The following DPY19L4 variants were observed in gnomAD, a reference collection of about 807,000 sequenced individuals.
The protein encoded by DPY19L4 is probable C-mannosyltransferase DPY19L4.
A neutral mutation model predicts 102.8 loss-of-function variants in DPY19L4; 97 were observed. The ratio of observed to expected loss-of-function variants is 0.94; its 90% confidence interval spans 0.80 to 1.12. The LOEUF (loss-of-function observed/expected upper bound fraction) is 1.12. Among genes scored for constraint, DPY19L4 ranks in the 50% most tolerant of loss-of-function variants. The pLI is 0.00. For synonymous variants in DPY19L4, 252 were observed against 283.1 expected, an observed-to-expected ratio of 0.89 and a Z score of 1.10; for missense variants, 815 against 850.4, an observed-to-expected ratio of 0.96 and a Z score of 0.52.
rs565526337 is a variant in DPY19L4 at position 94,763,762 on chromosome 8, G to A, written c.871-1421G>A. On this transcript the variant is annotated intron_variant, in intron 8 of 18. Coordinates refer to ENST00000414645, the MANE Select transcript of DPY19L4 (RefSeq NM_181787.3). ...GTTGGTCTTGAACTCCTGGCCTCAA[G>A]TGATCCGCTCTCTTTGGCCTCCCAC... is the stretch of plus-strand genomic sequence containing the variant. Among the ~76,000 whole-genome samples the A allele has an allele frequency of 2.6e-5, 4 of 152,070 alleles. No individual in the cohort carries two copies. In the East Asian group the frequency reaches 7.7e-4, roughly 29 times the overall value.
chr8:94,768,051 A>C (rs1239850474), intron 11 of DPY19L4, among the ~76,000 whole-genome samples: 2 of 152,178 alleles, frequency 1.3e-5, no homozygotes, highest in African/African-American at 4.8e-5. Context: ...CATATTCAAC[A>C]ATGCATTTGT....
chr8:94,788,310 C>T (rs73697036), intron 18 of DPY19L4, among the ~76,000 whole-genome samples: 5,520 of 151,812 alleles, frequency 0.036, 325 homozygotes, highest in African/African-American at 0.12. Flanking sequence ...TTATTCATTG[C>T]CTGTACTTAT....
At chr8:94,765,580 CT>C (rs1312255923) in intron 9 of DPY19L4, 130 bp from the exon 10 acceptor site, 7 of 766,072 alleles carry the variant, frequency 9.1e-6, no homozygotes, top group African/African-American at 5.3e-5. Context: ...AAGTGATCCC[CT>C]ATCTTTGGTC....
At chr8:94,776,365 C>T (rs1020127745) in intron 13 of DPY19L4, among the ~76,000 whole-genome samples, 3 of 151,634 alleles carry the variant, frequency 2.0e-5, no homozygotes, top group Non-Finnish European at 4.4e-5. Flanking sequence ...GACGAGGTTT[C>T]ACCATGTTGG....
intron 1 of DPY19L4, among the ~76,000 whole-genome samples, chr8:94,725,817 T>G (rs1810663433): frequency 6.6e-6 from 1 of 152,016 alleles, no homozygotes; most frequent in Non-Finnish European, 1.5e-5. Context: ...TTGGTATTTT[T>G]TTTTTAGTAG....
chr8:94,768,501 G>A lies in DPY19L4; in HGVS notation c.1282G>A (p.Val428Met). The A allele has an allele frequency of 6.3e-7, 1 of 1,582,128 alleles. No individual in the cohort carries two copies. Among genetic ancestry groups the A allele is most frequent in the South Asian group, 1.1e-5 (1 of 87,190 alleles). Residue 428 changes from valine (V) to methionine (M), a missense_variant, in exon 12 of 19, where the codon GTG becomes ATG. Coordinates refer to ENST00000414645, the MANE Select transcript of DPY19L4 (RefSeq NM_181787.3). The stretch of plus-strand genomic sequence containing the variant: ...TTCTTTATTACCTTTCTACATTCTA[G>A]TGTTAATTATTTGTTTTCTTTCTAT... ...QSSLLPFYIL[V>M]LIICFLSMLQ... is the part of the protein sequence containing the mutation.
intron 1 of DPY19L4, among the ~76,000 whole-genome samples, chr8:94,726,027 C>G (rs925840923): frequency 6.6e-6 from 1 of 152,122 alleles, no homozygotes; most frequent in Non-Finnish European, 1.5e-5. Context: ...ACACCTTGAC[C>G]CCCAGTTTGG....
chr8:94,761,187 C>G (rs952552463), intron 7 of DPY19L4, among the ~76,000 whole-genome samples: 1 of 152,072 alleles, frequency 6.6e-6, no homozygotes, highest in Non-Finnish European at 1.5e-5. Flanking sequence ...GGTAATAGAG[C>G]CTGAAAGTTT....
chr8:94,778,892 G>C (rs1386165926), intron 14 of DPY19L4, among the ~76,000 whole-genome samples: 1 of 152,192 alleles, frequency 6.6e-6, no homozygotes, highest in Non-Finnish European at 1.5e-5. Context: ...GGGTGGTCAA[G>C]AAATGAGACT....
At chr8:94,751,857 G>A (rs898631831) in intron 6 of DPY19L4, among the ~76,000 whole-genome samples, 6 of 152,190 alleles carry the variant, frequency 3.9e-5, no homozygotes, top group Non-Finnish European at 7.3e-5. Context: ...GAGTCATACA[G>A]CATATACTTT....
At chr8:94,741,083 G>C (rs1811426509) in intron 6 of DPY19L4, among the ~76,000 whole-genome samples, 1 of 152,128 alleles carries the variant, frequency 6.6e-6, no homozygotes, top group Non-Finnish European at 1.5e-5. Flanking sequence ...GTAAAGGCTT[G>C]ATGGGTTCAA....
chr8:94,737,770 A>C (rs1365895683), intron 3 of DPY19L4, among the ~76,000 whole-genome samples: 1 of 141,000 alleles, frequency 7.1e-6, no homozygotes, highest in East Asian at 2.0e-4. Flanking sequence ...GCAACAGAGC[A>C]AGACTCTGTT....
At chr8:94,786,420 C>T (rs978671127) in intron 17 of DPY19L4, among the ~76,000 whole-genome samples, 8 of 117,346 alleles carry the variant, frequency 6.8e-5, no homozygotes, top group South Asian at 3.3e-4. Context: ...CTACCATGCC[C>T]GGCCATTTAT....
chr8:94,781,293 G>A (rs966667143), intron 16 of DPY19L4, 127 bp downstream of exon 16: 1 of 756,334 alleles, frequency 1.3e-6, no homozygotes, highest in Non-Finnish European at 1.9e-6. Flanking sequence ...AGGCGTTTTA[G>A]GGATATTTAG....
At chr8:94,720,377 C>A in intron 1 of DPY19L4, 1 of 604,110 alleles carries the variant, frequency 1.7e-6, no homozygotes, top group Non-Finnish European at 2.1e-6. Context: ...GTACTCAGTG[C>A]ATATTTGGAA....
chr8:94,785,174 G>C (rs1365535448), intron 17 of DPY19L4, among the ~76,000 whole-genome samples: 1 of 152,154 alleles, frequency 6.6e-6, no homozygotes, highest in Non-Finnish European at 1.5e-5. Context: ...GATTAAGTGA[G>C]AATAATAGTT....
chr8:94,725,858 C>G (rs766688068), intron 1 of DPY19L4, among the ~76,000 whole-genome samples: 1 of 151,966 alleles, frequency 6.6e-6, no homozygotes, highest in Non-Finnish European at 1.5e-5. Flanking sequence ...AGGATGGTCT[C>G]GATCTCCTGA....
intron 3 of DPY19L4, among the ~76,000 whole-genome samples, chr8:94,737,305 G>A (rs1811226235): frequency 1.3e-5 from 2 of 151,940 alleles, no homozygotes; most frequent in South Asian, 2.1e-4. Context: ...CCCACCTCCC[G>A]AGTAGCTGGG....
At position 94,765,193 on chromosome 8, in the gene DPY19L4, T is replaced by C; in HGVS notation, c.881T>C (p.Val294Ala). 1 of 1,517,446 alleles carries C rather than the reference T, an allele frequency of 6.6e-7. No homozygotes were observed. Among genetic ancestry groups the C allele is most frequent in the South Asian group, 1.2e-5 (1 of 83,406 alleles). The allele number at this position is 1,517,446 out of a possible 1,614,324, so 94.0% of individuals were successfully genotyped here. A position where few individuals can be genotyped will look rare whatever the true frequency, so the allele number is the denominator to read the frequency against. Residue 294 changes from valine (V) to alanine (A), a missense_variant, in exon 9 of 19, where the codon GTT becomes GCT. Transcript: ENST00000414645. ...TTTTTGTCACAACAGGTTTATGAAG[T>C]TTATAAAATCTACATATTTTCCCTC... Reference protein sequence around the residue: ...SVEQSDKVYEVYKIYIFSLFL... With the variant: ...SVEQSDKVYEAYKIYIFSLFL...
Sources: allele counts gnomAD v4.1 joint callset (sites outside exome capture counted in the v4.1 genomes callset), GRCh38; gene constraint gnomAD v4.1.1; transcripts MANE v1.5; gene names NCBI Gene and HGNC (gene_info 2026-07-23, HGNC 2026-07-21).